CCSER1: variants seen among roughly 807,000 people sequenced by gnomAD.
CCSER1 encodes the protein serine-rich coiled-coil domain-containing protein 1.
CCSER1 carries 41 observed loss-of-function variants against 82.0 expected under a neutral mutation model. The observed-to-expected ratio is 0.50, with a 90% CI of 0.39 to 0.65. The LOEUF (loss-of-function observed/expected upper bound fraction) is 0.65, where lower values mean the gene tolerates loss of function less well. Among genes scored for constraint, CCSER1 ranks in the 30% least tolerant of loss-of-function variants. CCSER1 has a pLI of 0.00. For missense variants in CCSER1, 1,119 were observed against 1,064.2 expected (o/e 1.05, Z -0.72); for synonymous variants, 414 against 383.9 (o/e 1.08, Z -0.92).
At chr4:90,918,533 T>C (rs1014981642) in intron 8 of CCSER1, among the ~76,000 whole-genome samples, 12 of 151,938 alleles carry the variant, frequency 7.9e-5, no homozygotes, top group Non-Finnish European at 1.6e-4. Flanking sequence ...TTCCTCCTCT[T>C]CAGTGCTTCC....
At chr4:90,405,631 A>G (rs982934925) in intron 4 of CCSER1, among the ~76,000 whole-genome samples, 6 of 152,196 alleles carry the variant, frequency 3.9e-5, no homozygotes, top group African/African-American at 1.4e-4. Flanking sequence ...GGGAACTTAT[A>G]AATGAAAACC....
intron 4 of CCSER1, among the ~76,000 whole-genome samples, chr4:90,434,971 T>A (rs928284907): frequency 6.6e-6 from 1 of 152,186 alleles, no homozygotes; most frequent in Non-Finnish European, 1.5e-5. Flanking sequence ...AAATGGTACC[T>A]AGGGAGCCTC....
intron 5 of CCSER1, among the ~76,000 whole-genome samples, chr4:90,604,853 C>A (rs1470595064): frequency 6.6e-6 from 1 of 152,180 alleles, no homozygotes; most frequent in Admixed American, 6.5e-5. Context: ...ACACACCAAT[C>A]AGCACCCTGT....
chr4:90,691,569 A>G (rs564485324), intron 6 of CCSER1, among the ~76,000 whole-genome samples: 16 of 152,058 alleles, frequency 1.1e-4, no homozygotes, highest in South Asian at 4.1e-4. Flanking sequence ...TGTGTATATC[A>G]CATGTATAAT....
At chr4:90,545,339 C>T (rs1318378253) in intron 5 of CCSER1, among the ~76,000 whole-genome samples, 2 of 152,104 alleles carry the variant, frequency 1.3e-5, no homozygotes, top group Non-Finnish European at 2.9e-5. Flanking sequence ...CATGAGATGG[C>T]ACCACTGAAA....
rs543371874 is a variant in CCSER1 at position 90,272,605 on chromosome 4, C to T, written c.-41-35639C>T. The stretch of plus-strand genomic sequence containing the variant: ...TCAATATGTTAAAGAGATATGGACA[C>T]TCCTATGTTTATTGCAGCACTCTTC... On this transcript the variant is annotated intron_variant, in intron 1 of 10. Coordinates refer to ENST00000509176, the MANE Select transcript of CCSER1 (RefSeq NM_001145065.2). Among the ~76,000 whole-genome samples, 3 of 152,280 alleles carry T rather than the reference C, an allele frequency of 2.0e-5. No homozygotes were observed. In the East Asian group the frequency reaches 5.8e-4, roughly 29 times the overall value.
chr4:91,602,960 A>C lies in CCSER1; in HGVS notation c.*3903A>C, dbSNP rs950405107. Reference sequence around the variant, plus strand: ...ATATGCATATATATATTTTTGTATAAGAAGTATTTCAATCACATGTAATAT... The same window carrying C: ...ATATGCATATATATATTTTTGTATACGAAGTATTTCAATCACATGTAATAT... On this transcript the variant is annotated 3_prime_UTR_variant, in exon 11 of 11. Transcript: ENST00000509176. Among the ~76,000 whole-genome samples, 3 of 152,092 alleles carry C rather than the reference A, an allele frequency of 2.0e-5. No homozygotes were observed. Among genetic ancestry groups the C allele is most frequent in the African/African-American group, 7.2e-5 (3 of 41,454 alleles).
chr4:90,458,572 C>G (rs1489139201), intron 4 of CCSER1, among the ~76,000 whole-genome samples: 2 of 151,986 alleles, frequency 1.3e-5, no homozygotes, highest in Non-Finnish European at 2.9e-5. Context: ...CCAGGCTGGT[C>G]TCGAACTCCT....
At chr4:91,229,022 G>T (rs1263294532) in intron 10 of CCSER1, among the ~76,000 whole-genome samples, 1 of 152,090 alleles carries the variant, frequency 6.6e-6, no homozygotes, top group Non-Finnish European at 1.5e-5. Context: ...AACCAGTTTG[G>T]CAACAGCAAG....
intron 10 of CCSER1, among the ~76,000 whole-genome samples, chr4:91,123,538 A>G (rs1266804399): frequency 6.6e-6 from 1 of 151,748 alleles, no homozygotes; most frequent in African/African-American, 2.4e-5. Flanking sequence ...GCCTTAACTC[A>G]AAAGTCTGGA....
At chr4:90,838,945 G>T (rs761668491) in intron 8 of CCSER1, 1 of 1,613,252 alleles carries the variant, frequency 6.2e-7, no homozygotes. Context: ...TCGTTTCTTT[G>T]GAAGGCAGTG....
At chr4:91,217,070 C>T (rs1015875826) in intron 10 of CCSER1, among the ~76,000 whole-genome samples, 3 of 151,996 alleles carry the variant, frequency 2.0e-5, no homozygotes, top group Non-Finnish European at 2.9e-5. Context: ...CAGATGTGTT[C>T]GTAGTTTCTT....
intron 10 of CCSER1, among the ~76,000 whole-genome samples, chr4:91,586,951 T>C (rs1165922539): frequency 3.3e-5 from 5 of 151,770 alleles, no homozygotes; most frequent in African/African-American, 4.8e-5. Flanking sequence ...AATGAATAGA[T>C]ATGAATGAAT....
chr4:91,512,154 T>G (rs1478529183), intron 10 of CCSER1, among the ~76,000 whole-genome samples: 1 of 152,170 alleles, frequency 6.6e-6, no homozygotes, highest in Non-Finnish European at 1.5e-5. Flanking sequence ...AAGGACGCAA[T>G]GTACCGTTTT....
chr4:90,230,073 G>T (rs1350832860), intron 1 of CCSER1, among the ~76,000 whole-genome samples: 2 of 152,106 alleles, frequency 1.3e-5, no homozygotes, highest in Non-Finnish European at 2.9e-5. Flanking sequence ...GAGACAGAAA[G>T]TTAGCAAGGA....
intron 10 of CCSER1, among the ~76,000 whole-genome samples, chr4:91,435,375 C>T (rs900501597): frequency 5.3e-5 from 8 of 151,600 alleles, no homozygotes; most frequent in African/African-American, 1.7e-4. Flanking sequence ...CATGAGATCA[C>T]GGCTGCAGAG....
At chr4:91,152,740 C>T (rs1194806970) in intron 10 of CCSER1, among the ~76,000 whole-genome samples, 1 of 148,670 alleles carries the variant, frequency 6.7e-6, no homozygotes, top group Non-Finnish European at 1.5e-5. Flanking sequence ...TCAGCATTTG[C>T]TTGTCTGTAA....
chr4:91,429,507 A>T (rs9993848), intron 10 of CCSER1, among the ~76,000 whole-genome samples: 100,304 of 151,710 alleles, frequency 0.66, 33,636 homozygotes, highest in East Asian at 0.82. Flanking sequence ...TATTCACCTA[A>T]ATATACTATT....
intron 1 of CCSER1, among the ~76,000 whole-genome samples, chr4:90,272,934 C>T (rs530898686): frequency 6.6e-5 from 10 of 151,974 alleles, no homozygotes; most frequent in Non-Finnish European, 1.0e-4. Context: ...ACCCAGGAGG[C>T]GGAGTTTGCA....
Sources: allele counts gnomAD v4.1 joint callset (sites outside exome capture counted in the v4.1 genomes callset), GRCh38; gene constraint gnomAD v4.1.1; transcripts MANE v1.5; gene names NCBI Gene and HGNC (gene_info 2026-07-23, HGNC 2026-07-21).